The following PCGF5 variants were observed in gnomAD, a reference collection of about 807,000 sequenced individuals.
The protein encoded by PCGF5 is polycomb group RING finger protein 5.
A neutral mutation model predicts 44.3 loss-of-function variants in PCGF5; 9 were observed. That is an observed-to-expected ratio of 0.20 (90% CI 0.12 to 0.35). PCGF5 has a LOEUF of 0.35. Ranked by LOEUF, PCGF5 falls within the 10% of genes least tolerant of loss-of-function variation. PCGF5 has a pLI of 1.00. For synonymous variants in PCGF5, 95 were observed against 102.5 expected (o/e 0.93, Z 0.44); for missense variants, 146 against 305.3 (o/e 0.48, Z 3.89).
At chr10:91,249,539 T>A (rs1015691813) in intron 5 of PCGF5, among the ~76,000 whole-genome samples, 4 of 151,444 alleles carry the variant, frequency 2.6e-5, no homozygotes, top group Admixed American at 6.6e-5. Flanking sequence ...TTCAAGAATG[T>A]GTGTGTGTTC....
chr10:91,240,320 G>C (rs1845289355), intron 2 of PCGF5, among the ~76,000 whole-genome samples, 164 bp from the exon 3 acceptor site: 1 of 151,986 alleles, frequency 6.6e-6, no homozygotes, highest in Non-Finnish European at 1.5e-5. Context: ...ATTGCAGTTG[G>C]GTGTTATTAC....
chr10:91,163,834 G>A (rs1843442481), intron 1 of PCGF5, among the ~76,000 whole-genome samples: 1 of 151,868 alleles, frequency 6.6e-6, no homozygotes, highest in African/African-American at 2.4e-5. Flanking sequence ...CGCGTGCCGG[G>A]GTGGTGGGGT....
chr10:91,193,747 G>A (rs1391554540), intron 1 of PCGF5, among the ~76,000 whole-genome samples: 1 of 152,180 alleles, frequency 6.6e-6, no homozygotes, highest in Admixed American at 6.5e-5. Context: ...TAAACTGGCT[G>A]AAGGCTGCTC....
intron 8 of PCGF5, among the ~76,000 whole-genome samples, chr10:91,268,019 A>T (rs1312754365): frequency 1.3e-5 from 2 of 152,220 alleles, no homozygotes; most frequent in African/African-American, 2.4e-5. Flanking sequence ...TAAATCAGAA[A>T]TACAATGTAT....
intron 1 of PCGF5, among the ~76,000 whole-genome samples, chr10:91,167,175 ACATTTT>A (rs1360907846): frequency 1.3e-5 from 2 of 152,224 alleles, no homozygotes; most frequent in Non-Finnish European, 2.9e-5. Flanking sequence ...TATGATAAGT[ACATTTT>A]CATTATTTTA....
chr10:91,244,571 G>A (rs1016842820), intron 3 of PCGF5, among the ~76,000 whole-genome samples: 1 of 152,194 alleles, frequency 6.6e-6, no homozygotes, highest in African/African-American at 2.4e-5. Context: ...ATATGAACAT[G>A]TTGATGACTG....
chr10:91,233,781 G>A (rs987189096), intron 2 of PCGF5, among the ~76,000 whole-genome samples: 9 of 152,112 alleles, frequency 5.9e-5, no homozygotes, highest in South Asian at 2.1e-4. Context: ...TATAAAATGA[G>A]CATTATCAAG....
chr10:91,189,593 C>T (rs1843994895), intron 1 of PCGF5, among the ~76,000 whole-genome samples: 1 of 152,192 alleles, frequency 6.6e-6, no homozygotes, highest in Non-Finnish European at 1.5e-5. Context: ...CTGATAAGAT[C>T]TTTCCATATA....
chr10:91,217,284 G>A (rs908325023), upstream of PCGF5, among the ~76,000 whole-genome samples: 12 of 152,242 alleles, frequency 7.9e-5, no homozygotes, highest in South Asian at 2.1e-4. Context: ...CACCCGCCTC[G>A]GCCTCCCGAA....
At chr10:91,207,373 C>T (rs995233784) in intron 1 of PCGF5, among the ~76,000 whole-genome samples, 4 of 152,114 alleles carry the variant, frequency 2.6e-5, no homozygotes, top group African/African-American at 4.8e-5. Context: ...AATGAACATC[C>T]GTATATCTCT....
At chr10:91,193,880 G>A (rs1844080040) in intron 1 of PCGF5, among the ~76,000 whole-genome samples, 1 of 152,118 alleles carries the variant, frequency 6.6e-6, no homozygotes, top group Non-Finnish European at 1.5e-5. Flanking sequence ...TGGAGATGTT[G>A]AGAAGTGATC....
Position 91,282,101 on chromosome 10 carries a change from A to G in PCGF5, c.*3785A>G, listed in dbSNP as rs1846468173. On this transcript the variant is annotated 3_prime_UTR_variant, in exon 10 of 10. Transcript: ENST00000336126. ...AGTGCCAACACACTTACTTGTATAGAAAAGACTTCATTCTATGGGATTTAT... is the reference window on the plus strand; with the variant it reads ...AGTGCCAACACACTTACTTGTATAGGAAAGACTTCATTCTATGGGATTTAT... The G allele has an allele frequency of 6.6e-6, 1 of 152,238 alleles. No individual in the cohort carries two copies. Among genetic ancestry groups the G allele is most frequent in the African/African-American group, 2.4e-5 (1 of 41,460 alleles). The allele number at this position is 152,238 out of a possible 1,614,324, so 9.4% of individuals were successfully genotyped here.
chr10:91,264,384 T>C, intron 7 of PCGF5, 47 bp from the exon 8 acceptor site: 2 of 1,426,888 alleles, frequency 1.4e-6, no homozygotes, highest in Non-Finnish European at 1.9e-6. Context: ...CAAAATACTT[T>C]TGAATTCAAC....
rs751887657 is a variant in PCGF5, at chr10:91,271,641, C to T, written c.667C>T (p.Arg223Trp). ...GATGAGTTCATCTCCTCCGCAGTTT[C>T]GGTGTCTGAACTGCTCAGCTTCGCA... Reference protein sequence around the residue: ...TRWRLRGENFRCLNCSASQVC... With the variant: ...TRWRLRGENFWCLNCSASQVC... The change falls in exon 9 of 10, where the codon CGG becomes TGG. Residue 223 changes from arginine to tryptophan, a missense_variant. Around this residue, in one of 3 missense-constraint regions of PCGF5, gnomAD observed 123 missense variants for 268.6 expected, o/e 0.46. Coordinates refer to ENST00000336126, the MANE Select transcript of PCGF5 (RefSeq NM_032373.5). 9.9e-6 allele frequency: 16 copies of T among 1,613,632 alleles called. No individual in the cohort carries two copies. In the Admixed American group the frequency reaches 1.8e-4, roughly 18 times the overall value.
At chr10:91,236,308 A>G (rs1845162353) in intron 2 of PCGF5, among the ~76,000 whole-genome samples, 1 of 152,150 alleles carries the variant, frequency 6.6e-6, no homozygotes, top group South Asian at 2.1e-4. Flanking sequence ...GAGGATAGTA[A>G]CTGTCCATAC....
At chr10:91,197,650 G>A (rs1306329402) in intron 1 of PCGF5, among the ~76,000 whole-genome samples, 1 of 152,150 alleles carries the variant, frequency 6.6e-6, no homozygotes, top group Non-Finnish European at 1.5e-5. Flanking sequence ...GTGCGTGGGA[G>A]CCTTGCTTCC....
chr10:91,215,211 C>T (rs7907197), upstream of PCGF5, among the ~76,000 whole-genome samples: 141,791 of 152,326 alleles, frequency 0.93, 66,095 homozygotes, highest in East Asian at 1. Flanking sequence ...TGTAATTACT[C>T]CTCTTCCTTG....
At chr10:91,243,603 C>G (rs1845383764) in intron 3 of PCGF5, among the ~76,000 whole-genome samples, 1 of 152,122 alleles carries the variant, frequency 6.6e-6, no homozygotes, top group Admixed American at 6.5e-5. Context: ...TTTGTACTCT[C>G]CAGTATGGTA....
intron 1 of PCGF5, among the ~76,000 whole-genome samples, chr10:91,164,088 G>A (rs61857951): frequency 0.068 from 10,374 of 152,308 alleles, 447 homozygotes; most frequent in Non-Finnish European, 0.1. Flanking sequence ...CCCGCGGACC[G>A]GGCCCCGATG....
Sources: gnomAD v4.1 joint callset for allele counts (sites outside exome capture counted in the v4.1 genomes callset) on GRCh38, gnomAD v4.1.1 for gene constraint, gnomAD v4.1.1 regional missense constraint, MANE v1.5 for transcripts, NCBI Gene and HGNC (gene_info 2026-07-23, HGNC 2026-07-21) for gene names.